The following SLC2A3 variants were observed in gnomAD, a reference collection of about 807,000 sequenced individuals.
The protein encoded by SLC2A3 is solute carrier family 2 member 3.
SLC2A3 carries 21 observed loss-of-function variants against 46.4 expected under a neutral mutation model. The observed-to-expected ratio is 0.45, with a 90% CI of 0.32 to 0.65. The LOEUF (loss-of-function observed/expected upper bound fraction) is 0.65. SLC2A3 is among the 30% of genes least tolerant of loss of function. SLC2A3 has a pLI of 0.04. For synonymous variants in SLC2A3, 213 were observed against 239.4 expected (o/e 0.89, Z 1.02); for missense variants, 499 against 623.3 (o/e 0.80, Z 2.12).
At chr12:7,930,782 A>G (rs1349191008) in intron 4 of SLC2A3, 140 bp from the exon 5 acceptor site, 2 of 772,130 alleles carry the variant, frequency 2.6e-6, no homozygotes, top group Non-Finnish European at 3.7e-6. Flanking sequence ...TCCTTTCTCT[A>G]CTCAGCATGG....
intron 6 of SLC2A3, among the ~76,000 whole-genome samples, chr12:7,928,794 A>C (rs1412327788): frequency 1.3e-5 from 2 of 151,764 alleles, no homozygotes; most frequent in African/African-American, 4.8e-5. Context: ...AAAATCACCT[A>C]GGAGGCTTTT....
rs778603957 is a variant in SLC2A3 at position 7,922,189 on chromosome 12, C to T, written c.1273-558G>A. 5.5e-4 allele frequency among the ~76,000 whole-genome samples: 84 copies of T among 151,840 alleles called. 2 individuals carry two copies. The highest frequency in any genetic ancestry group is 3.1e-3 in the South Asian group (15 of 4,810). ...GTGTGCTACCGCAATGGTGTGATCT[C>T]GCTCACTGGGATTACAGTCATGAGC... On this transcript the variant is annotated intron_variant, in intron 9 of 9. Coordinates refer to ENST00000075120, the MANE Select transcript of SLC2A3 (RefSeq NM_006931.3).
At chr12:7,932,821 C>G in intron 3 of SLC2A3, 166 bp downstream of exon 3, 1 of 1,003,938 alleles carries the variant, frequency 1.0e-6, no homozygotes, top group Non-Finnish European at 1.4e-6. Context: ...TAGTAGAGCT[C>G]CAAGCAAGGG....
Position 7,920,138 on chromosome 12 carries a change from C to T in SLC2A3, c.*1275G>A, listed in dbSNP as rs369058434. The T allele has an allele frequency of 6.6e-6, 1 of 152,514 alleles. No homozygotes were observed. The highest frequency in any genetic ancestry group is 1.5e-5 in the Non-Finnish European group (1 of 68,020). 9.4% of individuals were successfully genotyped at this position (152,514 alleles called of 1,614,324 possible). ...TAATCGCTCAGAAAAAAATCCTCTC[C>T]CAGAGCTGAGGTTACAAATTCCAAG... On this transcript the variant is annotated 3_prime_UTR_variant, in exon 10 of 10. Transcript: ENST00000075120.
Position 7,930,460 on chromosome 12 carries a change from A to G in SLC2A3, c.673+20T>C, listed in dbSNP as rs1946140117. ...ACCACAACCATATAATTCATGTAGT[A>G]AGGTGTGAAGGATACTCACTCTGCT... On this transcript the variant is annotated intron_variant, in intron 5 of 9. Coordinates refer to ENST00000075120, the MANE Select transcript of SLC2A3 (RefSeq NM_006931.3). The G allele has an allele frequency of 3.7e-6, 6 of 1,606,364 alleles. No homozygotes were observed. The highest frequency in any genetic ancestry group is 2.7e-5 in the African/African-American group (2 of 74,714).
intron 6 of SLC2A3, among the ~76,000 whole-genome samples, chr12:7,926,658 G>C (rs997308075): frequency 3.3e-5 from 5 of 152,086 alleles, no homozygotes; most frequent in Non-Finnish European, 7.4e-5. Context: ...GTGCCATCAG[G>C]CCCAGCTAAA....
chr12:7,933,769 T>C (rs58506910), intron 2 of SLC2A3, 41 bp downstream of exon 2: 1 of 1,591,628 alleles, frequency 6.3e-7, no homozygotes, highest in South Asian at 1.1e-5. Context: ...AAGGAATAAC[T>C]TCCCTATTCT....
chr12:7,923,445 C>G lies in SLC2A3; in HGVS notation c.1069-421G>C, dbSNP rs779512563. On this transcript the variant is annotated intron_variant, in intron 8 of 9. Transcript: ENST00000075120. ...CCTGGCTAACATGGTGAAACACAGT[C>G]TCTACTAAGAAGTACAAAAATTAGC... is the stretch of plus-strand genomic sequence containing the variant. 2.0e-4 allele frequency among the ~76,000 whole-genome samples: 30 copies of G among 152,156 alleles called. 1 individual carries two copies. The highest frequency in any genetic ancestry group is 1.8e-3 in the Admixed American group (28 of 15,274).
intron 8 of SLC2A3, among the ~76,000 whole-genome samples, chr12:7,923,976 C>G (rs1036088274): frequency 9.3e-5 from 14 of 151,334 alleles, no homozygotes; most frequent in Admixed American, 2.6e-4. Flanking sequence ...CCATGTTGGT[C>G]AGGCTGGTCT....
At chr12:7,930,135 G>A (rs111406308) in intron 5 of SLC2A3, 9 of 632,562 alleles carry the variant, frequency 1.4e-5, no homozygotes, top group African/African-American at 7.4e-5. Context: ...ACAGGCATGC[G>A]CCCCCATGCC....
intron 1 of SLC2A3, among the ~76,000 whole-genome samples, chr12:7,935,278 C>G (rs1485808451): frequency 6.6e-6 from 1 of 152,122 alleles, no homozygotes; most frequent in South Asian, 2.1e-4. Flanking sequence ...CATAGAGAAA[C>G]CCCGTCTCTA....
chr12:7,934,534 A>G (rs939107415), intron 1 of SLC2A3, among the ~76,000 whole-genome samples: 5 of 152,086 alleles, frequency 3.3e-5, no homozygotes, highest in African/African-American at 9.7e-5. Context: ...AACCCAACAT[A>G]TAAGGGCGAA....
At chr12:7,925,712 ATC>A (rs1182873802) in intron 7 of SLC2A3, 130 bp downstream of exon 7, 7 of 708,524 alleles carry the variant, frequency 9.9e-6, no homozygotes, top group East Asian at 5.2e-5. Context: ...CATTAAATTT[ATC>A]TCTTTTTCCC....
intron 1 of SLC2A3, among the ~76,000 whole-genome samples, chr12:7,934,392 GTCTCTTA>G (rs1464744175): frequency 6.6e-6 from 1 of 152,008 alleles, no homozygotes. Context: ...GGCTCTTTGA[GTCTCTTA>G]TCTCTCAGGA....
intron 7 of SLC2A3, 110 bp downstream of exon 7, chr12:7,925,734 T>C (rs1946088809): frequency 9.3e-6 from 8 of 858,988 alleles, no homozygotes; most frequent in Non-Finnish European, 1.5e-5. Context: ...CAAAGGAAAA[T>C]TAAGCAACAA....
rs958917006 is a variant in SLC2A3 at position 7,929,780 on chromosome 12, G to A, written c.765C>T (p.Val255=). 6.2e-7 allele frequency: 1 copy of A among 1,613,640 alleles called. No homozygotes were observed. The highest frequency in any genetic ancestry group is 1.7e-5 in the Admixed American group (1 of 59,940). The stretch of plus-strand genomic sequence containing the variant: ...ACACTCTAAAGAGCTCTAGCACGGT[G>A]ACTTGCTTTTCTTGTGACATCCTTG... The part of the protein sequence containing the change: ...ESARMSQEKQ[V]TVLELFRVSS... Residue 255 remains valine (V), a synonymous_variant, in exon 6 of 10, where the codon GTC becomes GTT. Transcript: ENST00000075120.
chr12:7,922,464 T>A (rs1946047985), intron 9 of SLC2A3, among the ~76,000 whole-genome samples: 1 of 152,152 alleles, frequency 6.6e-6, no homozygotes, highest in Non-Finnish European at 1.5e-5. Flanking sequence ...ACTGCTGTAT[T>A]TTTTTATTTA....
chr12:7,923,014 TTA>T lies in SLC2A3; in HGVS notation c.1077_1078del (p.Tyr359Ter). 1.2e-6 allele frequency: 2 copies of T among 1,613,272 alleles called. No homozygotes were observed. The highest frequency in any genetic ancestry group is 2.2e-5 in the East Asian group (1 of 44,860). ...CCCAATACAGACAAAGCTCATCCCA[TTA>T]TAGTTATCCTGTAAGAGCAAGGAAC... On this transcript the variant is annotated stop_gained and frameshift_variant, in exon 9 of 10. Transcript: ENST00000075120. LOFTEE classifies it high-confidence loss of function.
intron 6 of SLC2A3, among the ~76,000 whole-genome samples, chr12:7,926,629 T>C (rs1036074454): frequency 3.3e-5 from 5 of 152,148 alleles, no homozygotes; most frequent in African/African-American, 4.8e-5. Context: ...GCCTCCCAAG[T>C]TGCTGGGATT....
Sources: allele counts gnomAD v4.1 joint callset (sites outside exome capture counted in the v4.1 genomes callset), GRCh38; gene constraint gnomAD v4.1.1; transcripts MANE v1.5; gene names NCBI Gene and HGNC (gene_info 2026-07-23, HGNC 2026-07-21).